CYP7B1: variants seen among roughly 807,000 people sequenced by gnomAD.
CYP7B1 encodes cytochrome P450 family 7 subfamily B member 1.
CYP7B1 carries 29 observed loss-of-function variants against 42.7 expected under a neutral mutation model. That is an observed-to-expected ratio of 0.68 (90% confidence interval 0.51 to 0.93). CYP7B1 has a LOEUF of 0.93. CYP7B1 is among the 40% of genes least tolerant of loss of function. CYP7B1 has a pLI of 0.00. For missense variants in CYP7B1, 655 were observed against 600.5 expected (o/e 1.09, Z -0.95); for synonymous variants, 235 against 218.2 (o/e 1.08, Z -0.68).
At chr8:64,647,750 T>G (rs1805975149) in intron 1 of CYP7B1, among the ~76,000 whole-genome samples, 1 of 152,166 alleles carries the variant, frequency 6.6e-6, no homozygotes, top group Non-Finnish European at 1.5e-5. Context: ...AGGCCCTCAA[T>G]GTACCGGATG....
intron 1 of CYP7B1, among the ~76,000 whole-genome samples, chr8:64,774,639 A>G (rs1307745852): frequency 6.6e-6 from 1 of 152,182 alleles, no homozygotes; most frequent in African/African-American, 2.4e-5. Flanking sequence ...AACAGGTCCC[A>G]TATTTATACT....
rs543426383 is a variant in CYP7B1 at position 64,593,462 on chromosome 8, C to T, written c.*3180G>A. On this transcript the variant is annotated 3_prime_UTR_variant, in exon 6 of 6. Transcript: ENST00000310193. ...CCCCCAAATGTGTCCCCTGTCTATT[C>T]CTAATAAAATGGTTGCATTCTACCT... 2.6e-5 allele frequency among the ~76,000 whole-genome samples: 4 copies of T among 152,166 alleles called. No individual in the cohort carries two copies. Among genetic ancestry groups the T allele is most frequent in the African/African-American group, 9.6e-5 (4 of 41,506 alleles).
chr8:64,737,996 C>T lies in CYP7B1; in HGVS notation c.122+60470G>A, dbSNP rs1034290101. Among the ~76,000 whole-genome samples the T allele has an allele frequency of 7.9e-5, 12 of 152,110 alleles. 1 individual carries two copies. Among genetic ancestry groups the T allele is most frequent in the Admixed American group, 7.9e-4 (12 of 15,258 alleles). ...TTTGTTAGTCTTTTTGCTTTCCTGTCTGTCTGTGCAAATGTATGTCTTACC... is the reference window on the plus strand; with the variant it reads ...TTTGTTAGTCTTTTTGCTTTCCTGTTTGTCTGTGCAAATGTATGTCTTACC... On this transcript the variant is annotated intron_variant, in intron 1 of 5. Transcript: ENST00000310193.
chr8:64,747,042 G>C (rs931844902), intron 1 of CYP7B1, among the ~76,000 whole-genome samples: 2 of 151,002 alleles, frequency 1.3e-5, no homozygotes, highest in African/African-American at 4.8e-5. Flanking sequence ...ATGTCAATAT[G>C]AATTTGAATT....
intron 1 of CYP7B1, among the ~76,000 whole-genome samples, chr8:64,756,503 G>A (rs1024833920): frequency 6.6e-6 from 1 of 152,196 alleles, no homozygotes; most frequent in Non-Finnish European, 1.5e-5. Flanking sequence ...CTATCAAAGA[G>A]TAGAGGAAAG....
intron 5 of CYP7B1, among the ~76,000 whole-genome samples, chr8:64,601,701 A>C (rs1394631834): frequency 6.6e-6 from 1 of 152,174 alleles, no homozygotes. Flanking sequence ...TGTGTTTTAA[A>C]TTTCATTTTT....
At chr8:64,782,145 A>T (rs1485050440) in intron 1 of CYP7B1, among the ~76,000 whole-genome samples, 5 of 152,166 alleles carry the variant, frequency 3.3e-5, no homozygotes, top group Admixed American at 3.3e-4. Flanking sequence ...GCCCACCATG[A>T]CACCACTTTC....
rs1805099573 is a variant in CYP7B1 at position 64,595,253 on chromosome 8, G to A, written c.*1389C>T. On this transcript the variant is annotated 3_prime_UTR_variant, in exon 6 of 6. Transcript: ENST00000310193. ...TTCACTGAAGGAACATTCAGAACATGTACTTCAGGAAGGATAAAATAAATG... is the reference window on the plus strand; with the variant it reads ...TTCACTGAAGGAACATTCAGAACATATACTTCAGGAAGGATAAAATAAATG... Among the ~76,000 whole-genome samples, 1 of 152,144 alleles carries A rather than the reference G, an allele frequency of 6.6e-6. No homozygotes were observed. The highest frequency in any genetic ancestry group is 1.5e-5 in the Non-Finnish European group (1 of 68,020).
intron 1 of CYP7B1, among the ~76,000 whole-genome samples, chr8:64,786,575 G>C (rs1200889749): frequency 6.6e-6 from 1 of 152,058 alleles, no homozygotes; most frequent in Non-Finnish European, 1.5e-5. Flanking sequence ...TGGCTTTGCA[G>C]GGTACAGCCC....
chr8:64,634,497 T>G (rs1174343275), intron 1 of CYP7B1, among the ~76,000 whole-genome samples: 1 of 151,214 alleles, frequency 6.6e-6, no homozygotes, highest in African/African-American at 2.4e-5. Flanking sequence ...GAGAATCGCT[T>G]GAACCTGGGA....
intron 1 of CYP7B1, among the ~76,000 whole-genome samples, chr8:64,635,389 A>G (rs1203519164): frequency 6.6e-6 from 1 of 152,258 alleles, no homozygotes; most frequent in Non-Finnish European, 1.5e-5. Context: ...AATAAATGAA[A>G]AATTCCTGTA....
At chr8:64,737,266 C>T (rs1359203833) in intron 1 of CYP7B1, among the ~76,000 whole-genome samples, 1 of 152,136 alleles carries the variant, frequency 6.6e-6, no homozygotes, top group Non-Finnish European at 1.5e-5. Flanking sequence ...CCATGCCTGG[C>T]TCCATTTAAA....
At chr8:64,651,033 G>A (rs971133882) in intron 1 of CYP7B1, among the ~76,000 whole-genome samples, 11 of 152,216 alleles carry the variant, frequency 7.2e-5, no homozygotes, top group Non-Finnish European at 1.5e-4. Context: ...TGTGTTTGAG[G>A]TGGGGGAAGA....
At chr8:64,699,252 G>A (rs1563396465) in intron 1 of CYP7B1, among the ~76,000 whole-genome samples, 1 of 152,092 alleles carries the variant, frequency 6.6e-6, no homozygotes. Context: ...CAGGAAAAAT[G>A]GAACAGATAG....
rs1238173338 is a variant in CYP7B1 at position 64,594,630 on chromosome 8, G to A, written c.*2012C>T. ...ATAATTGTGTATCATGAACTAAAGA[G>A]TGTAAGGAGAGTGATCACTCAACTC... On this transcript the variant is annotated 3_prime_UTR_variant, in exon 6 of 6. Transcript: ENST00000310193. 6.6e-6 allele frequency among the ~76,000 whole-genome samples: 1 copy of A among 152,132 alleles called. No homozygotes were observed. The highest frequency in any genetic ancestry group is 1.5e-5 in the Non-Finnish European group (1 of 68,032).
chr8:64,644,412 T>C (rs1290400050), intron 1 of CYP7B1, among the ~76,000 whole-genome samples: 1 of 152,204 alleles, frequency 6.6e-6, no homozygotes, highest in African/African-American at 2.4e-5. Context: ...CAATTAACTT[T>C]TCCCAGCTCC....
rs1481747545 is a variant in CYP7B1, at chr8:64,594,118, G to A, written c.*2524C>T. Among the ~76,000 whole-genome samples the A allele has an allele frequency of 6.6e-6, 1 of 152,066 alleles. No homozygotes were observed. The highest frequency in any genetic ancestry group is 2.4e-5 in the African/African-American group (1 of 41,412). ...GACTAAATGTGTGTATGTGGGGGGTGGGTGGTGGGGCTTGGGGACAAGGCA... is the reference window on the plus strand; with the variant it reads ...GACTAAATGTGTGTATGTGGGGGGTAGGTGGTGGGGCTTGGGGACAAGGCA... On this transcript the variant is annotated 3_prime_UTR_variant, in exon 6 of 6. Coordinates refer to ENST00000310193, the MANE Select transcript of CYP7B1 (RefSeq NM_004820.5).
chr8:64,670,318 T>C (rs990403538), intron 1 of CYP7B1, among the ~76,000 whole-genome samples: 3 of 152,194 alleles, frequency 2.0e-5, no homozygotes, highest in African/African-American at 7.2e-5. Flanking sequence ...TTCAATACTA[T>C]ATAAAGGTAA....
chr8:64,777,088 C>T (rs1310781078), intron 1 of CYP7B1, among the ~76,000 whole-genome samples: 1 of 150,740 alleles, frequency 6.6e-6, no homozygotes, highest in African/African-American at 2.4e-5. Context: ...GGGATCTCAG[C>T]CATGAGCTTA....
Sources: gnomAD v4.1 joint callset for allele counts (sites outside exome capture counted in the v4.1 genomes callset) on GRCh38, gnomAD v4.1.1 for gene constraint, MANE v1.5 for transcripts, NCBI Gene and HGNC (gene_info 2026-07-23, HGNC 2026-07-21) for gene names.